Variants in HERC4 observed in about 807,000 individuals in gnomAD.
HERC4 encodes probable E3 ubiquitin-protein ligase HERC4.
HERC4 carries 28 observed loss-of-function variants against 124.3 expected under a neutral mutation model. The observed-to-expected ratio is 0.23, with a 90% CI of 0.17 to 0.31. The LOEUF (loss-of-function observed/expected upper bound fraction) is 0.31. HERC4 is among the 10% of genes least tolerant of loss of function. The pLI is 1.00. For missense variants in HERC4, 713 were observed against 1,229.3 expected, an observed-to-expected ratio of 0.58 and a Z score of 6.28; for synonymous variants, 407 against 421.5, an observed-to-expected ratio of 0.97 and a Z score of 0.42.
At chr10:68,031,259 C>A (rs2039187011) in intron 7 of HERC4, among the ~76,000 whole-genome samples, 1 of 152,084 alleles carries the variant, frequency 6.6e-6, no homozygotes, top group Non-Finnish European at 1.5e-5. Context: ...ATCTGAAAGG[C>A]TGAATTTGAA....
At chr10:68,036,837 A>G (rs183366317) in intron 5 of HERC4, among the ~76,000 whole-genome samples, 3 of 152,332 alleles carry the variant, frequency 2.0e-5, no homozygotes, top group African/African-American at 4.8e-5. Flanking sequence ...ATTACCAATT[A>G]TATCAATTAG....
At chr10:67,942,973 CAG>C (rs1467029938) in intron 19 of HERC4, among the ~76,000 whole-genome samples, 1 of 152,054 alleles carries the variant, frequency 6.6e-6, no homozygotes, top group African/African-American at 2.4e-5. Context: ...TACTGAAAAT[CAG>C]AGATACATAT....
intron 7 of HERC4, among the ~76,000 whole-genome samples, chr10:68,030,044 T>C (rs2039118445): frequency 1.3e-5 from 2 of 152,080 alleles, no homozygotes; most frequent in Non-Finnish European, 2.9e-5. Flanking sequence ...AGCCATAATT[T>C]TGCTTTTTAA....
At chr10:68,006,437 T>A (rs1333638240) in intron 9 of HERC4, among the ~76,000 whole-genome samples, 1 of 151,574 alleles carries the variant, frequency 6.6e-6, no homozygotes, top group African/African-American at 2.4e-5. Context: ...AATGGTGCGA[T>A]CTCAGCTCAC....
At chr10:67,967,038 T>G (rs959556079) in intron 15 of HERC4, among the ~76,000 whole-genome samples, 3 of 152,166 alleles carry the variant, frequency 2.0e-5, no homozygotes, top group African/African-American at 7.2e-5. Context: ...GTATTTTTAG[T>G]AGAGACGGAG....
At chr10:68,054,154 A>T (rs2040440357) in intron 3 of HERC4, among the ~76,000 whole-genome samples, 1 of 152,162 alleles carries the variant, frequency 6.6e-6, no homozygotes. Context: ...CATGCCTAAA[A>T]ATTTAACTTT....
chr10:68,034,135 C>T lies in HERC4; in HGVS notation c.515G>A (p.Gly172Asp), dbSNP rs1318157578. The T allele has an allele frequency of 6.2e-7, 1 of 1,613,952 alleles. No homozygotes were observed. The highest frequency in any genetic ancestry group is 2.2e-5 in the East Asian group (1 of 44,888). The change falls in exon 6 of 25, where the codon GGT becomes GAT. Residue 172 changes from glycine (G) to aspartate (D), a missense_variant. Coordinates refer to ENST00000373700, the MANE Select transcript of HERC4 (RefSeq NM_015601.4). ...TGAAGTTTGCTTTTTACAGTCAGTA[C>T]CTAAACCCAATTGGCCATATTTATT... Reference protein sequence around the residue: ...GQNKYGQLGLGTDCKKQTSPQ... With the variant: ...GQNKYGQLGLDTDCKKQTSPQ...
chr10:67,997,313 T>C (rs557728123), intron 9 of HERC4, among the ~76,000 whole-genome samples: 3 of 152,336 alleles, frequency 2.0e-5, no homozygotes, highest in South Asian at 4.1e-4. Flanking sequence ...TAAAATAATA[T>C]TCTATGCTTT....
chr10:67,972,078 G>A (rs375639953), intron 15 of HERC4, among the ~76,000 whole-genome samples: 1 of 151,864 alleles, frequency 6.6e-6, no homozygotes, highest in Non-Finnish European at 1.5e-5. Context: ...GCTGAGTGTG[G>A]TGGTGGACAC....
Position 67,992,668 on chromosome 10 carries a change from A to C in HERC4, c.1084T>G (p.Phe362Val). 6.6e-7 allele frequency: 1 copy of C among 1,518,632 alleles called. No homozygotes were observed. Among genetic ancestry groups the C allele is most frequent in the South Asian group, 1.2e-5 (1 of 85,514 alleles). 94.1% of individuals were successfully genotyped at this position (1,518,632 alleles called of 1,614,324 possible). ...CLPDIDSEEY[F>V]CVKRIFSGGD... is the part of the protein sequence containing the mutation. ...CCTGAGAAAATTCTTTTTACACAGAAATATTCTTCAGAATCTGTAATAAAA... is the reference window on the plus strand; with the variant it reads ...CCTGAGAAAATTCTTTTTACACAGACATATTCTTCAGAATCTGTAATAAAA... Residue 362 changes from phenylalanine to valine, a missense_variant, in exon 10 of 25, where the codon TTC becomes GTC. Transcript: ENST00000373700.
intron 3 of HERC4, among the ~76,000 whole-genome samples, chr10:68,062,301 T>C (rs1458826225): frequency 6.6e-6 from 1 of 152,188 alleles, no homozygotes; most frequent in African/African-American, 2.4e-5. Flanking sequence ...CTTATTTCTA[T>C]ACTAATGAAT....
intron 9 of HERC4, chr10:68,010,615 TGCATATC>T (rs879848516): frequency 1.3e-4 from 185 of 1,378,584 alleles, no homozygotes; most frequent in Non-Finnish European, 1.8e-4. Flanking sequence ...GTTTCGGCTT[TGCATATC>T]TCCTGAATAT....
At chr10:67,952,473 A>G (rs2033863162) in intron 19 of HERC4, among the ~76,000 whole-genome samples, 1 of 151,962 alleles carries the variant, frequency 6.6e-6, no homozygotes. Flanking sequence ...TAGTAGAGAC[A>G]GGGTTTCATC....
intron 1 of HERC4, chr10:68,074,602 C>A (rs2041720656): frequency 6.6e-6 from 1 of 152,174 alleles, no homozygotes; most frequent in Non-Finnish European, 1.5e-5. Context: ...TGAACGTGCA[C>A]CCAGATCAGC....
At chr10:68,038,214 C>T in intron 4 of HERC4, 45 bp from the exon 5 acceptor site, 2 of 944,842 alleles carry the variant, frequency 2.1e-6, no homozygotes, top group Non-Finnish European at 3.2e-6. Context: ...TTCCATTTAA[C>T]AAATTGATCT....
At chr10:67,983,571 A>G (rs1009623786) in intron 15 of HERC4, among the ~76,000 whole-genome samples, 7 of 152,038 alleles carry the variant, frequency 4.6e-5, no homozygotes, top group Non-Finnish European at 7.4e-5. Flanking sequence ...CAAGGTCAGG[A>G]GATAGAGACC....
chr10:67,988,985 T>C (rs2036413642), intron 14 of HERC4, 150 bp from the exon 15 acceptor site: 2 of 614,602 alleles, frequency 3.3e-6, no homozygotes, highest in Non-Finnish European at 5.6e-6. Context: ...TATGTAACAT[T>C]TGTAAGGTTT....
chr10:68,057,764 T>C (rs1253682717), intron 3 of HERC4, among the ~76,000 whole-genome samples: 2 of 151,760 alleles, frequency 1.3e-5, no homozygotes, highest in Non-Finnish European at 2.9e-5. Flanking sequence ...TAGAGTGCAG[T>C]GGTGCAATCA....
intron 9 of HERC4, among the ~76,000 whole-genome samples, chr10:67,999,636 T>C (rs1278696797): frequency 1.3e-5 from 2 of 152,210 alleles, no homozygotes; most frequent in African/African-American, 2.4e-5. Context: ...ATGAAACTGC[T>C]AACCCAAGGT....
Sources: gnomAD v4.1 joint callset for allele counts (sites outside exome capture counted in the v4.1 genomes callset) on GRCh38, gnomAD v4.1.1 for gene constraint, MANE v1.5 for transcripts, NCBI Gene and HGNC (gene_info 2026-07-23, HGNC 2026-07-21) for gene names.